The following ENAH variants were observed in gnomAD, a reference collection of about 807,000 sequenced individuals.
The protein encoded by ENAH is ENAH actin regulator, also known as protein enabled homolog.
Under a neutral mutation model 78.7 loss-of-function variants are expected in ENAH, and 23 were observed. The observed-to-expected ratio is 0.29, with a 90% CI of 0.21 to 0.41. The LOEUF (loss-of-function observed/expected upper bound fraction) is 0.41, where lower values mean the gene tolerates loss of function less well. Among genes scored for constraint, ENAH ranks in the 10% least tolerant of loss-of-function variants. The pLI is 1.00. For synonymous variants in ENAH, 226 were observed against 241.0 expected (o/e 0.94, Z 0.58); for missense variants, 544 against 691.0 (o/e 0.79, Z 2.39).
intron 3 of ENAH, among the ~76,000 whole-genome samples, chr1:225,545,910 CT>C (rs56105983): frequency 0.033 from 3,657 of 109,292 alleles, 215 homozygotes; most frequent in African/African-American, 0.12. Context: ...CATCTGTAAA[CT>C]TTTTTTTTTT....
intron 1 of ENAH, among the ~76,000 whole-genome samples, chr1:225,570,193 T>G (rs116608757): frequency 0.026 from 3,910 of 150,784 alleles, 59 homozygotes; most frequent in Non-Finnish European, 0.042. Context: ...AAAAATACAT[T>G]AGGCACTCAG....
At chr1:225,608,537 C>T (rs1053445287) in intron 1 of ENAH, among the ~76,000 whole-genome samples, 3 of 151,598 alleles carry the variant, frequency 2.0e-5, no homozygotes, top group African/African-American at 7.3e-5. Context: ...TCTTGGAGGC[C>T]AGGCACCGTG....
chr1:225,505,994 T>A (rs370674671), intron 11 of ENAH, among the ~76,000 whole-genome samples: 1 of 151,132 alleles, frequency 6.6e-6, no homozygotes, highest in Non-Finnish European at 1.5e-5. Flanking sequence ...GAAAAAAAAA[T>A]CTTTTTTTCC....
At chr1:225,515,024 A>G in intron 6 of ENAH, 124 bp from the exon 7 acceptor site, 1 of 789,900 alleles carries the variant, frequency 1.3e-6, no homozygotes, top group Non-Finnish European at 2.1e-6. Context: ...TAATGAGTCC[A>G]ATTTATCATA....
chr1:225,645,652 AAACTT>A (rs1428386398), intron 1 of ENAH, among the ~76,000 whole-genome samples: 1 of 152,206 alleles, frequency 6.6e-6, no homozygotes, highest in Non-Finnish European at 1.5e-5. Context: ...TTCTTAACAT[AAACTT>A]AAGAGATGTC....
chr1:225,565,140 T>C (rs2096728173), intron 2 of ENAH, among the ~76,000 whole-genome samples: 1 of 152,210 alleles, frequency 6.6e-6, no homozygotes, highest in African/African-American at 2.4e-5. Flanking sequence ...TTTCCTAGCT[T>C]AAATTTCTTT....
intron 2 of ENAH, among the ~76,000 whole-genome samples, chr1:225,555,344 G>C (rs2096660948): frequency 6.6e-6 from 1 of 152,092 alleles, no homozygotes; most frequent in African/African-American, 2.4e-5. Context: ...ACTTTGGGAG[G>C]GCTCGAGGCA....
chr1:225,562,889 C>G (rs2096715414), intron 2 of ENAH, among the ~76,000 whole-genome samples: 1 of 151,696 alleles, frequency 6.6e-6, no homozygotes, highest in Admixed American at 6.6e-5. Flanking sequence ...AGAAGGATCA[C>G]TTGAGCCCAG....
chr1:225,616,351 A>C (rs576682886), intron 1 of ENAH, among the ~76,000 whole-genome samples: 7 of 152,072 alleles, frequency 4.6e-5, no homozygotes, highest in Non-Finnish European at 7.4e-5. Context: ...AAAAAAGAGT[A>C]ATACTTTGAA....
chr1:225,591,200 G>A (rs775666037), intron 1 of ENAH, among the ~76,000 whole-genome samples: 22 of 152,212 alleles, frequency 1.4e-4, no homozygotes, highest in Non-Finnish European at 2.9e-4. Context: ...CAGGCGCGGT[G>A]GCTCATGCCT....
At chr1:225,616,300 G>A (rs1413960830) in intron 1 of ENAH, among the ~76,000 whole-genome samples, 3 of 143,434 alleles carry the variant, frequency 2.1e-5, no homozygotes, top group African/African-American at 5.2e-5. Context: ...TCCCCCCTCC[G>A]AGAAACACCC....
chr1:225,568,221 G>A (rs1258266670), intron 1 of ENAH, among the ~76,000 whole-genome samples: 1 of 152,136 alleles, frequency 6.6e-6, no homozygotes, highest in Non-Finnish European at 1.5e-5. Flanking sequence ...AAGTGAGACT[G>A]AGATACACAA....
intron 1 of ENAH, among the ~76,000 whole-genome samples, chr1:225,611,630 T>A (rs79966694): frequency 0.13 from 19,145 of 151,376 alleles, 1,908 homozygotes; most frequent in African/African-American, 0.28. Flanking sequence ...AAAAAAAAAA[T>A]TTTTTAATTA....
At chr1:225,626,438 A>G (rs10915850) in intron 1 of ENAH, among the ~76,000 whole-genome samples, 27,244 of 152,246 alleles carry the variant, frequency 0.18, 2,708 homozygotes, top group South Asian at 0.36. Context: ...TGAATAGGTC[A>G]CAAGGCCTCC....
Position 225,514,740 on chromosome 1 carries a change from A to G in ENAH, c.1074T>C (p.Asn358=). 1 of 615,710 alleles carries G rather than the reference A, an allele frequency of 1.6e-6. No individual in the cohort carries two copies. Among genetic ancestry groups the G allele is most frequent in the Non-Finnish European group, 2.6e-6 (1 of 386,974 alleles). The allele number at this position is 615,710 out of a possible 1,614,324, so 38.1% of individuals were successfully genotyped here. ...GTGGTGGAGGAGGAGGGGGTACTTG[A>G]TTAGGGAGAGGAGGGGGAGGAGGGG... ...PPPPPPPPLP[N]QVPPPPPPPP... The change falls in exon 7 of 14, where the codon AAT becomes AAC. Residue 358 remains asparagine, a synonymous_variant. Transcript: ENST00000366843.
At chr1:225,560,733 A>C (rs2096699002) in intron 2 of ENAH, among the ~76,000 whole-genome samples, 1 of 152,228 alleles carries the variant, frequency 6.6e-6, no homozygotes, top group Non-Finnish European at 1.5e-5. Flanking sequence ...CAAAGCTACT[A>C]AATTTTAACA....
At chr1:225,515,453 G>A (rs1203598686) in intron 6 of ENAH, 1 of 152,324 alleles carries the variant, frequency 6.6e-6, no homozygotes, top group Non-Finnish European at 1.5e-5. Flanking sequence ...TCAATGGATA[G>A]CCAAGGCTGA....
At chr1:225,630,207 TAAC>T (rs2148345459) in intron 1 of ENAH, among the ~76,000 whole-genome samples, 1 of 151,334 alleles carries the variant, frequency 6.6e-6, no homozygotes, top group African/African-American at 2.4e-5. Flanking sequence ...TAAACTGTAT[TAAC>T]TTTACTTGGA....
chr1:225,557,017 T>G (rs2096670715), intron 2 of ENAH, among the ~76,000 whole-genome samples: 1 of 152,208 alleles, frequency 6.6e-6, no homozygotes. Context: ...TTGCCAACTC[T>G]ACAATGTCTT....
Sources: allele counts gnomAD v4.1 joint callset (sites outside exome capture counted in the v4.1 genomes callset), GRCh38; gene constraint gnomAD v4.1.1; transcripts MANE v1.5; gene names NCBI Gene and HGNC (gene_info 2026-07-23, HGNC 2026-07-21).